The following TIMP3 variants were observed in gnomAD, a reference collection of about 807,000 sequenced individuals.
TIMP3 encodes the protein TIMP metallopeptidase inhibitor 3.
TIMP3 carries 11 observed loss-of-function variants against 30.0 expected under a neutral mutation model. The observed-to-expected ratio is 0.37, with a 90% CI of 0.23 to 0.61. The LOEUF is 0.61. TIMP3 is among the 20% of genes least tolerant of loss of function. The pLI is 0.70. For synonymous variants in TIMP3, 112 were observed against 111.3 expected (o/e 1.01, Z -0.04); for missense variants, 181 against 276.8 (o/e 0.65, Z 2.45).
intron 1 of TIMP3, among the ~76,000 whole-genome samples, chr22:32,810,094 A>G (rs2046876111): frequency 6.6e-6 from 1 of 152,214 alleles, no homozygotes; most frequent in Non-Finnish European, 1.5e-5. Context: ...TACACAAAGT[A>G]TTGATTCTAG....
chr22:32,826,126 T>TA (rs1236908525), intron 1 of TIMP3, among the ~76,000 whole-genome samples: 1 of 152,174 alleles, frequency 6.6e-6, no homozygotes, highest in Admixed American at 6.5e-5. Flanking sequence ...TTGTATTACT[T>TA]AAGTTAAAAA....
chr22:32,833,972 T>C (rs1037893908), intron 1 of TIMP3: 1 of 472,036 alleles, frequency 2.1e-6, no homozygotes, highest in South Asian at 1.5e-5. Context: ...ACTACCCACA[T>C]GACCATCCTC....
chr22:32,856,619 T>C lies in TIMP3; in HGVS notation c.205-630T>C, dbSNP rs1405116369. ...ATGTATAGTAATCAAATCAGGGTAA[T>C]TGGGATATTCATAACCTTAAACATT... On this transcript the variant is annotated intron_variant, in intron 2 of 4. Coordinates refer to ENST00000266085, the MANE Select transcript of TIMP3 (RefSeq NM_000362.5). Among the ~76,000 whole-genome samples the C allele has an allele frequency of 2.0e-5, 3 of 152,226 alleles. 1 individual carries two copies. The East Asian group carries it at 5.8e-4, about 29-fold the overall frequency.
chr22:32,859,047 T>G, intron 4 of TIMP3, 133 bp from the exon 5 acceptor site: 1 of 802,814 alleles, frequency 1.2e-6, no homozygotes, highest in South Asian at 1.4e-5. Context: ...CTATTTATAT[T>G]ATGATCACTG....
At chr22:32,836,888 G>A (rs556810217) in intron 1 of TIMP3, among the ~76,000 whole-genome samples, 2 of 152,330 alleles carry the variant, frequency 1.3e-5, no homozygotes, top group African/African-American at 4.8e-5. Context: ...CATAGACAGA[G>A]CAGCCATTGG....
intron 1 of TIMP3, among the ~76,000 whole-genome samples, chr22:32,817,015 G>A (rs2146033086): frequency 6.6e-6 from 1 of 150,970 alleles, no homozygotes; most frequent in African/African-American, 2.4e-5. Flanking sequence ...CCCAGGAATT[G>A]AAGACCAGTC....
chr22:32,852,251 A>C (rs142884440), intron 2 of TIMP3, among the ~76,000 whole-genome samples: 1 of 152,336 alleles, frequency 6.6e-6, no homozygotes, highest in Non-Finnish European at 1.5e-5. Context: ...TTTGCCTATA[A>C]GGAGATAATA....
In TIMP3 at chr22:32,859,351, A is replaced by T. The variant is rs137853298; in HGVS notation, c.610A>T (p.Ser204Cys). ...WYRGWAPPDKSIINATDP is the reference protein window; with the variant it reads ...WYRGWAPPDKCIINATDP ...CCGAGGATGGGCCCCCCCGGATAAA[A>T]GCATCATCAATGCCACAGACCCCTG... Residue 204 changes from serine (S) to cysteine (C), a missense_variant, in exon 5 of 5, where the codon AGC becomes TGC. Ser to Cys is a moderately radical substitution (Grantham distance 112). Around this residue, in one of 3 missense-constraint regions of TIMP3, gnomAD observed 47 missense variants for 63.8 expected, o/e 0.74. Coordinates refer to ENST00000266085, the MANE Select transcript of TIMP3 (RefSeq NM_000362.5). The T allele has an allele frequency of 1.9e-6, 3 of 1,612,568 alleles. No homozygotes were observed. The highest frequency in any genetic ancestry group is 2.5e-6 in the Non-Finnish European group (3 of 1,180,018).
chr22:32,824,534 C>G (rs1196409792), intron 1 of TIMP3, among the ~76,000 whole-genome samples: 1 of 151,528 alleles, frequency 6.6e-6, no homozygotes, highest in East Asian at 1.9e-4. Context: ...AGGAATTGCC[C>G]TTTTAAAATG....
At chr22:32,815,267 GC>G (rs2047058102) in intron 1 of TIMP3, among the ~76,000 whole-genome samples, 1 of 152,186 alleles carries the variant, frequency 6.6e-6, no homozygotes, top group African/African-American at 2.4e-5. Flanking sequence ...TAACTTCTAG[GC>G]CTTGTGGGTC....
At chr22:32,805,593 C>T (rs1040073541) in intron 1 of TIMP3, among the ~76,000 whole-genome samples, 3 of 152,014 alleles carry the variant, frequency 2.0e-5, no homozygotes, top group Non-Finnish European at 2.9e-5. Flanking sequence ...CCTGGTTGCA[C>T]GCACTTCCCA....
chr22:32,806,336 C>A (rs1168236222), intron 1 of TIMP3, among the ~76,000 whole-genome samples: 1 of 152,152 alleles, frequency 6.6e-6, no homozygotes, highest in Non-Finnish European at 1.5e-5. Context: ...GTTTGTTTTG[C>A]ATGAACAGCA....
In TIMP3 at chr22:32,837,608, G is replaced by T. The variant is rs566147729; in HGVS notation, c.122-11844G>T. On this transcript the variant is annotated intron_variant, in intron 1 of 4. Transcript: ENST00000266085. The surrounding 1 kb of genome is among the most constrained non-coding windows in gnomAD (Gnocchi z 4.1). ...TGTGCACTGGAATGAGATCATTTGT[G>T]GTTCTGATGCAAAGACCCAGGCTTG... Among the ~76,000 whole-genome samples the T allele has an allele frequency of 2.6e-5, 4 of 152,258 alleles. No individual in the cohort carries two copies. Among genetic ancestry groups the T allele is most frequent in the Middle Eastern group, 6.8e-3 (2 of 294 alleles).
Position 32,837,220 on chromosome 22 carries a change from AG to A in TIMP3, c.122-12228del, listed in dbSNP as rs1371892497. On this transcript the variant is annotated intron_variant, in intron 1 of 4. Transcript: ENST00000266085. This position sits in a 1 kb window ranked among gnomAD's most constrained non-coding sequence, Gnocchi z 4.1. ...GGTATTTTTCTGGGCACTGCTTCAA[AG>A]GGGCTGTGGTTGAAGACCATGCTGC... is the stretch of plus-strand genomic sequence containing the variant. Among the ~76,000 whole-genome samples, 1 of 152,194 alleles carries A rather than the reference AG, an allele frequency of 6.6e-6. No homozygotes were observed. The highest frequency in any genetic ancestry group is 6.5e-5 in the Admixed American group (1 of 15,278).
intron 1 of TIMP3, among the ~76,000 whole-genome samples, chr22:32,836,560 T>C (rs8142834): frequency 0.096 from 14,691 of 152,268 alleles, 780 homozygotes; most frequent in African/African-American, 0.15. Context: ...CCTCCGCACC[T>C]TCAGTGCTAT....
chr22:32,825,173 G>A (rs909346351), intron 1 of TIMP3, among the ~76,000 whole-genome samples: 1 of 152,138 alleles, frequency 6.6e-6, no homozygotes, highest in Non-Finnish European at 1.5e-5. Flanking sequence ...GGGTGAGCTC[G>A]TGGGAACTGA....
At chr22:32,858,973 T>C (rs1477401373) in intron 4 of TIMP3, among the ~76,000 whole-genome samples, 2 of 152,146 alleles carry the variant, frequency 1.3e-5, no homozygotes. Context: ...TGATAAGAAT[T>C]AAAGAGAATA....
chr22:32,815,555 T>C (rs768559753), intron 1 of TIMP3, among the ~76,000 whole-genome samples: 19 of 152,326 alleles, frequency 1.2e-4, no homozygotes, highest in Admixed American at 3.9e-4. Flanking sequence ...ATGAAAAAAA[T>C]TGGGACTTAA....
At chr22:32,823,674 AGG>A (rs2047319283) in intron 1 of TIMP3, among the ~76,000 whole-genome samples, 1 of 152,200 alleles carries the variant, frequency 6.6e-6, no homozygotes, top group Non-Finnish European at 1.5e-5. Context: ...TGGCTGAGGC[AGG>A]AAGAAGCTTG....
Sources: gnomAD v4.1 joint callset for allele counts (sites outside exome capture counted in the v4.1 genomes callset) on GRCh38, gnomAD v4.1.1 for gene constraint, gnomAD v4.1.1 regional missense constraint, Gnocchi (gnomAD v3.1) non-coding constraint, MANE v1.5 for transcripts, NCBI Gene and HGNC (gene_info 2026-07-23, HGNC 2026-07-21) for gene names.